GMDS: variants seen among roughly 807,000 people sequenced by gnomAD.
The protein encoded by GMDS is GDP-mannose 4,6 dehydratase.
GMDS carries 20 observed loss-of-function variants against 49.9 expected under a neutral mutation model. The observed-to-expected ratio is 0.40, with a 90% CI of 0.28 to 0.58. The LOEUF is 0.58. Ranked by LOEUF, GMDS falls within the 20% of genes least tolerant of loss-of-function variation. GMDS has a pLI of 0.42. For synonymous variants in GMDS, 177 were observed against 178.6 expected, an observed-to-expected ratio of 0.99 and a Z score of 0.07; for missense variants, 362 against 481.4, an observed-to-expected ratio of 0.75 and a Z score of 2.32.
At chr6:1,625,011 G>A (rs886704991) in intron 9 of GMDS, 2 of 152,672 alleles carry the variant, frequency 1.3e-5, no homozygotes, top group African/African-American at 4.8e-5. Flanking sequence ...CGCGCCAAGC[G>A]CGCGTCCTAC....
At chr6:1,885,651 C>T (rs1180184713) in intron 7 of GMDS, among the ~76,000 whole-genome samples, 2 of 152,190 alleles carry the variant, frequency 1.3e-5, no homozygotes, top group Admixed American at 1.3e-4. Context: ...AGGGCAGAGT[C>T]CACCTTGTCA....
intron 4 of GMDS, among the ~76,000 whole-genome samples, chr6:2,108,175 A>T (rs1774347570): frequency 6.6e-6 from 1 of 152,224 alleles, no homozygotes; most frequent in Admixed American, 6.5e-5. Context: ...TTATTTTTAG[A>T]TCTTAGAAAA....
intron 7 of GMDS, among the ~76,000 whole-genome samples, chr6:1,797,329 A>C (rs1251376836): frequency 6.6e-6 from 1 of 152,248 alleles, no homozygotes; most frequent in Non-Finnish European, 1.5e-5. Context: ...TGCTATAAGC[A>C]CAGGTGTATC....
intron 7 of GMDS, among the ~76,000 whole-genome samples, chr6:1,882,343 G>C (rs1759402034): frequency 6.6e-6 from 1 of 152,136 alleles, no homozygotes; most frequent in South Asian, 2.1e-4. Flanking sequence ...TGCAAATATT[G>C]GTTAAAATTC....
intron 7 of GMDS, among the ~76,000 whole-genome samples, chr6:1,908,416 C>G (rs920390290): frequency 6.6e-6 from 1 of 152,172 alleles, no homozygotes; most frequent in African/African-American, 2.4e-5. Context: ...AAAGCTTAAA[C>G]TAATGTTTCT....
chr6:2,065,253 C>T (rs1395895032), intron 4 of GMDS, among the ~76,000 whole-genome samples: 4 of 145,122 alleles, frequency 2.8e-5, no homozygotes, highest in South Asian at 2.2e-4. Context: ...AAAGGACATC[C>T]ACACCAAAAA....
chr6:1,939,004 TCTC>T (rs1259690176), intron 6 of GMDS, among the ~76,000 whole-genome samples: 2 of 132,102 alleles, frequency 1.5e-5, no homozygotes, highest in Non-Finnish European at 3.2e-5. Flanking sequence ...CCTCTCCTCT[TCTC>T]TTCTCTCTCT....
At chr6:2,123,400 G>C (rs960462000) in intron 2 of GMDS, among the ~76,000 whole-genome samples, 7 of 152,174 alleles carry the variant, frequency 4.6e-5, no homozygotes, top group African/African-American at 1.4e-4. Context: ...CAAGTGCAGC[G>C]ATTTCTGCTC....
chr6:2,245,347 C>A lies in GMDS; in HGVS notation c.76G>T (p.Ala26Ser). ...DGEMGKPRNV[A>S]LITGITGQDG... ...TGGCCTGTGATACCGGTGATGAGCG[C>A]CACGTTCCTGGGCTTGCCCATCTCG... Residue 26 changes from alanine (A) to serine (S), a missense_variant, in exon 1 of 11, where the codon GCG becomes TCG. Coordinates refer to ENST00000380815, the MANE Select transcript of GMDS (RefSeq NM_001500.4). 1 of 1,553,254 alleles carries A rather than the reference C, an allele frequency of 6.4e-7. No individual in the cohort carries two copies. Among genetic ancestry groups the A allele is most frequent in the Non-Finnish European group, 8.7e-7 (1 of 1,154,302 alleles).
At chr6:1,804,723 G>GT (rs1043479269) in intron 7 of GMDS, among the ~76,000 whole-genome samples, 49 of 149,328 alleles carry the variant, frequency 3.3e-4, no homozygotes, top group South Asian at 1.3e-3. Context: ...TTATCAATAG[G>GT]TTTTTTTTTT....
At chr6:2,023,175 G>A (rs1014481966) in intron 4 of GMDS, among the ~76,000 whole-genome samples, 4 of 152,184 alleles carry the variant, frequency 2.6e-5, no homozygotes, top group Admixed American at 6.5e-5. Context: ...AAATTCACAT[G>A]TAAATGACAC....
At chr6:2,109,794 G>A (rs1774442992) in intron 4 of GMDS, among the ~76,000 whole-genome samples, 2 of 152,208 alleles carry the variant, frequency 1.3e-5, no homozygotes, top group South Asian at 2.1e-4. Flanking sequence ...GCCTGTAAAG[G>A]GCCGATGGCT....
At chr6:1,846,478 A>G (rs1455033564) in intron 7 of GMDS, among the ~76,000 whole-genome samples, 1 of 152,218 alleles carries the variant, frequency 6.6e-6, no homozygotes, top group Non-Finnish European at 1.5e-5. Context: ...ATTGGGTTAG[A>G]GTGAACCATA....
At chr6:1,680,110 C>G (rs373655707) in intron 9 of GMDS, among the ~76,000 whole-genome samples, 1 of 152,192 alleles carries the variant, frequency 6.6e-6, no homozygotes, top group African/African-American at 2.4e-5. Context: ...ACTGAAATTA[C>G]GCGCACTTTG....
intron 4 of GMDS, among the ~76,000 whole-genome samples, chr6:2,087,207 G>T (rs1773064805): frequency 6.6e-6 from 1 of 152,186 alleles, no homozygotes; most frequent in Non-Finnish European, 1.5e-5. Context: ...GATGGACAAG[G>T]AAAGCTGTCA....
At chr6:1,958,709 A>G (rs1262723889) in intron 6 of GMDS, among the ~76,000 whole-genome samples, 1 of 152,246 alleles carries the variant, frequency 6.6e-6, no homozygotes, top group Non-Finnish European at 1.5e-5. Flanking sequence ...GCAGCTATAT[A>G]GTCACATAAA....
intron 7 of GMDS, among the ~76,000 whole-genome samples, chr6:1,745,073 A>G (rs1767429712): frequency 1.3e-5 from 2 of 152,266 alleles, no homozygotes; most frequent in South Asian, 2.1e-4. Flanking sequence ...GCCTATGGCT[A>G]GAATTCCTAT....
At chr6:1,818,041 G>T (rs1366470287) in intron 7 of GMDS, among the ~76,000 whole-genome samples, 1 of 152,026 alleles carries the variant, frequency 6.6e-6, no homozygotes, top group Non-Finnish European at 1.5e-5. Flanking sequence ...ATAATCACTA[G>T]CCCACCTGAA....
intron 6 of GMDS, among the ~76,000 whole-genome samples, chr6:1,953,836 AC>A (rs1430748873): frequency 3.5e-4 from 54 of 152,260 alleles, no homozygotes; most frequent in African/African-American, 1.3e-3. Flanking sequence ...AATTAAAAAA[AC>A]CTCTCAATAT....
Sources: gnomAD v4.1 joint callset for allele counts (sites outside exome capture counted in the v4.1 genomes callset) on GRCh38, gnomAD v4.1.1 for gene constraint, MANE v1.5 for transcripts, NCBI Gene and HGNC (gene_info 2026-07-23, HGNC 2026-07-21) for gene names.